NTRK3: variants seen among roughly 807,000 people sequenced by gnomAD.
NTRK3 encodes the protein NT-3 growth factor receptor.
A neutral mutation model predicts 91.7 loss-of-function variants in NTRK3; 24 were observed. The observed-to-expected ratio is 0.26, with a 90% CI of 0.19 to 0.37. NTRK3 has a LOEUF of 0.37. Ranked by LOEUF, NTRK3 falls within the 10% of genes least tolerant of loss-of-function variation. The probability of loss-of-function intolerance (pLI) is 1.00; values close to 1 mark genes in which losing one functional copy is unlikely to be tolerated. For missense variants in NTRK3, 880 were observed against 1,068.9 expected, an observed-to-expected ratio of 0.82 and a Z score of 2.46; for synonymous variants, 483 against 404.0, an observed-to-expected ratio of 1.20 and a Z score of -2.34.
intron 14 of NTRK3, among the ~76,000 whole-genome samples, chr15:87,956,276 TTTG>T (rs902789211): frequency 1.2e-4 from 18 of 152,204 alleles, no homozygotes; most frequent in Admixed American, 2.6e-4. Flanking sequence ...TGTTCTGGTT[TTTG>T]TTGTTGTTGT....
intron 3 of NTRK3, among the ~76,000 whole-genome samples, chr15:88,205,024 C>T (rs576049040): frequency 1.9e-4 from 29 of 152,274 alleles, no homozygotes; most frequent in Admixed American, 1.7e-3. Context: ...CCACATCAGT[C>T]CTGCCCTTCC....
chr15:87,997,306 G>T (rs989196158), intron 14 of NTRK3, among the ~76,000 whole-genome samples: 1 of 152,150 alleles, frequency 6.6e-6, no homozygotes, highest in Admixed American at 6.5e-5. Flanking sequence ...CAACAAGACA[G>T]CCGTGAGTGT....
At chr15:88,175,261 C>A (rs1401101274) in intron 5 of NTRK3, among the ~76,000 whole-genome samples, 1 of 152,208 alleles carries the variant, frequency 6.6e-6, no homozygotes, top group Non-Finnish European at 1.5e-5. Context: ...GCTAATGGAG[C>A]AGCCTCCATC....
At chr15:88,179,411 C>T (rs1037533027) in intron 5 of NTRK3, among the ~76,000 whole-genome samples, 4 of 152,188 alleles carry the variant, frequency 2.6e-5, no homozygotes, top group East Asian at 1.9e-4. Flanking sequence ...GCCTATCTTC[C>T]GTGCTGTAAA....
intron 13 of NTRK3, among the ~76,000 whole-genome samples, chr15:88,094,562 C>T (rs1478798289): frequency 6.7e-6 from 1 of 150,248 alleles, no homozygotes; most frequent in Non-Finnish European, 1.5e-5. Context: ...CCTCCAGAGA[C>T]AGCTGAGAAG....
chr15:88,221,283 G>C (rs1201301493), intron 3 of NTRK3, among the ~76,000 whole-genome samples: 1 of 152,180 alleles, frequency 6.6e-6, no homozygotes. Context: ...TAGAGGATGA[G>C]ATGATGATGG....
intron 14 of NTRK3, among the ~76,000 whole-genome samples, chr15:88,026,344 G>A (rs994499812): frequency 2.0e-5 from 3 of 151,922 alleles, no homozygotes; most frequent in East Asian, 1.9e-4. Context: ...AAGACATGGA[G>A]GACCTTAAAC....
intron 17 of NTRK3, among the ~76,000 whole-genome samples, chr15:87,902,930 A>G (rs937880861): frequency 1.3e-5 from 2 of 151,870 alleles, no homozygotes; most frequent in East Asian, 1.9e-4. Context: ...CCCACCCTAC[A>G]TGTCTGCACC....
exon 14 of NTRK3, chr15:88,032,859 G>A (rs199642370): frequency 3.3e-5 from 54 of 1,613,668 alleles, no homozygotes; most frequent in African/African-American, 8.0e-5. Context: ...GTACTTACAC[G>A]TGTCCGGCTT....
intron 14 of NTRK3, among the ~76,000 whole-genome samples, chr15:87,969,752 C>T (rs2073105638): frequency 6.6e-6 from 1 of 152,192 alleles, no homozygotes; most frequent in Non-Finnish European, 1.5e-5. Flanking sequence ...AACATTTATA[C>T]TTTGACATTT....
chr15:88,148,278 G>C (rs2043064805), intron 5 of NTRK3, among the ~76,000 whole-genome samples: 1 of 152,176 alleles, frequency 6.6e-6, no homozygotes, highest in Non-Finnish European at 1.5e-5. Flanking sequence ...ATATTTGGAT[G>C]ACTTCTACAA....
At chr15:88,114,044 C>T (rs1284447292) in intron 13 of NTRK3, among the ~76,000 whole-genome samples, 1 of 152,106 alleles carries the variant, frequency 6.6e-6, no homozygotes, top group Non-Finnish European at 1.5e-5. Flanking sequence ...ACACACACCA[C>T]CATCAATGAC....
intron 17 of NTRK3, among the ~76,000 whole-genome samples, chr15:87,923,586 A>C (rs2068051553): frequency 1.3e-5 from 2 of 152,198 alleles, no homozygotes; most frequent in South Asian, 4.1e-4. Flanking sequence ...TCTATTTGAT[A>C]CAGCAGTTGG....
At chr15:87,980,082 A>G (rs1198723962) in intron 14 of NTRK3, among the ~76,000 whole-genome samples, 1 of 152,174 alleles carries the variant, frequency 6.6e-6, no homozygotes, top group Non-Finnish European at 1.5e-5. Context: ...CTGATCTCTG[A>G]GCCTTGCCAT....
intron 14 of NTRK3, among the ~76,000 whole-genome samples, chr15:87,970,180 C>T (rs142663597): frequency 1.8e-4 from 28 of 152,136 alleles, no homozygotes; most frequent in Non-Finnish European, 3.5e-4. Flanking sequence ...GACTGGGATC[C>T]GGGTCTTCAT....
intron 14 of NTRK3, among the ~76,000 whole-genome samples, chr15:87,947,654 C>T (rs1596357531): frequency 1.3e-5 from 2 of 151,700 alleles, no homozygotes; most frequent in South Asian, 4.2e-4. Context: ...TGACTACACG[C>T]AGGAGGGAGG....
intron 5 of NTRK3, among the ~76,000 whole-genome samples, chr15:88,154,258 GCAGCCTAC>G (rs1375991108): frequency 3.3e-5 from 5 of 152,116 alleles, no homozygotes; most frequent in African/African-American, 1.2e-4. Flanking sequence ...AGAGGTATCT[GCAGCCTAC>G]CACCAAAGGA....
At chr15:88,008,794 T>C (rs536100229) in intron 14 of NTRK3, among the ~76,000 whole-genome samples, 39 of 152,260 alleles carry the variant, frequency 2.6e-4, no homozygotes, top group African/African-American at 8.7e-4. Context: ...ATTACTGAAA[T>C]ATTATCTTGA....
At chr15:87,876,772 T>TC (rs1277835803) in exon 19 of NTRK3, 8 of 683,056 alleles carry the variant, frequency 1.2e-5, no homozygotes, top group African/African-American at 1.8e-5. Flanking sequence ...TTTTTTTCTT[T>TC]CTTTTTTTTT....
Sources: gnomAD v4.1 joint callset for allele counts (sites outside exome capture counted in the v4.1 genomes callset) on GRCh38, gnomAD v4.1.1 for gene constraint, MANE v1.5 for transcripts, NCBI Gene and HGNC (gene_info 2026-07-23, HGNC 2026-07-21) for gene names.